The following USP46 variants were observed in gnomAD, a reference collection of about 807,000 sequenced individuals.
The protein encoded by USP46 is ubiquitin carboxyl-terminal hydrolase 46.
Under a neutral mutation model 44.4 loss-of-function variants are expected in USP46, and 12 were observed. The ratio of observed to expected loss-of-function variants is 0.27; its 90% CI spans 0.17 to 0.44. USP46 has a LOEUF of 0.44. USP46 is among the 20% of genes least tolerant of loss of function. The pLI, the probability that USP46 is intolerant of heterozygous loss-of-function variation, is 1.00. For missense variants in USP46, 248 were observed against 444.8 expected (o/e 0.56, Z 3.98); for synonymous variants, 155 against 161.5 (o/e 0.96, Z 0.31).
At chr4:52,633,296 C>T (rs1322948524) in intron 1 of USP46, among the ~76,000 whole-genome samples, 4 of 152,254 alleles carry the variant, frequency 2.6e-5, no homozygotes, top group East Asian at 1.9e-4. Flanking sequence ...TTGCACCAAA[C>T]GAATAACTCC....
rs959028429 is a variant in USP46, at chr4:52,657,040, CAAAAAAAA to C, written c.36+2067_36+2074del. 1.7e-4 allele frequency among the ~76,000 whole-genome samples: 5 copies of C among 29,258 alleles called. No homozygotes were observed. The South Asian group carries it at 4.5e-3, about 26-fold the overall frequency. The allele number at this position is 29,258 out of a possible 152,430, so 19.2% of individuals were successfully genotyped here. On this transcript the variant is annotated intron_variant, in intron 1 of 8. Coordinates refer to ENST00000441222, the MANE Select transcript of USP46 (RefSeq NM_022832.4). The stretch of plus-strand genomic sequence containing the variant: ...CCTGGGTGACAGTGTGAGACCTTGT[CAAAAAAAA>C]AAAAAAAAAAAAAAAGAACCAGGAC...
At chr4:52,653,495 CAAAAAAAAAA>C (rs397880678) in intron 1 of USP46, among the ~76,000 whole-genome samples, 4 of 53,022 alleles carry the variant, frequency 7.5e-5, no homozygotes, top group Non-Finnish European at 7.6e-5. Context: ...AACTCTATCT[CAAAAAAAAAA>C]AAAAAAAAAA....
At chr4:52,644,436 T>C (rs1473447357) in intron 1 of USP46, among the ~76,000 whole-genome samples, 1 of 152,120 alleles carries the variant, frequency 6.6e-6, no homozygotes, top group Non-Finnish European at 1.5e-5. Context: ...TACAGTTCTG[T>C]GACCTGTTAG....
chr4:52,641,330 T>C (rs1718333897), intron 1 of USP46, among the ~76,000 whole-genome samples: 1 of 152,226 alleles, frequency 6.6e-6, no homozygotes, highest in South Asian at 2.1e-4. Context: ...TTATTAAAAA[T>C]AGCATCTGAG....
At chr4:52,619,027 A>C (rs1717277187) in intron 4 of USP46, among the ~76,000 whole-genome samples, 1 of 152,232 alleles carries the variant, frequency 6.6e-6, no homozygotes, top group South Asian at 2.1e-4. Flanking sequence ...GGGAAAATTA[A>C]AATAAACAGT....
intron 7 of USP46, among the ~76,000 whole-genome samples, chr4:52,599,919 C>A (rs920011544): frequency 6.6e-6 from 1 of 152,116 alleles, no homozygotes. Flanking sequence ...TAAACTCTGC[C>A]AGAGATAATC....
chr4:52,612,922 C>T (rs1003418771), intron 4 of USP46, among the ~76,000 whole-genome samples: 5 of 152,196 alleles, frequency 3.3e-5, no homozygotes, highest in Non-Finnish European at 5.9e-5. Context: ...GTCTCCCCCT[C>T]GCTAAAATGA....
intron 7 of USP46, among the ~76,000 whole-genome samples, chr4:52,599,671 G>C (rs1184955494): frequency 2.0e-5 from 3 of 152,192 alleles, no homozygotes; most frequent in African/African-American, 4.8e-5. Context: ...GGTTAGATTT[G>C]CACAAGTGAG....
intron 4 of USP46, among the ~76,000 whole-genome samples, chr4:52,621,513 G>A (rs772403474): frequency 5.3e-5 from 8 of 152,066 alleles, no homozygotes; most frequent in Middle Eastern, 3.4e-3. Flanking sequence ...AAAATTAGCC[G>A]GGCGTGGTGG....
At chr4:52,617,591 G>T (rs1478925517) in intron 4 of USP46, among the ~76,000 whole-genome samples, 1 of 152,136 alleles carries the variant, frequency 6.6e-6, no homozygotes, top group African/African-American at 2.4e-5. Context: ...TGGCGCAAAA[G>T]CTTTCCGTTT....
chr4:52,630,972 TA>T, intron 2 of USP46, 91 bp downstream of exon 2: 1 of 1,035,594 alleles, frequency 9.7e-7, no homozygotes, highest in Non-Finnish European at 1.4e-6. Context: ...ACCAATCATT[TA>T]AAAATTGGTA....
chr4:52,635,472 T>C (rs900596244), intron 1 of USP46, among the ~76,000 whole-genome samples: 15 of 152,216 alleles, frequency 9.9e-5, no homozygotes, highest in Admixed American at 8.5e-4. Context: ...CTCCACTCCA[T>C]AGTGCTCATT....
chr4:52,650,206 C>T (rs942215783), intron 1 of USP46, among the ~76,000 whole-genome samples: 4 of 152,146 alleles, frequency 2.6e-5, no homozygotes, highest in Admixed American at 6.5e-5. Flanking sequence ...ACCAAACTGC[C>T]CCTAAATAAG....
chr4:52,659,161 G>A lies in USP46; in HGVS notation c.-11C>T, dbSNP rs1385124549. Reference sequence around the variant, plus strand: ...GTTTCGGACAGTCATTAGTCTAAAGGTTGCAGCGATCCCTCACCGCCATCT... The same window carrying A: ...GTTTCGGACAGTCATTAGTCTAAAGATTGCAGCGATCCCTCACCGCCATCT... On this transcript the variant is annotated 5_prime_UTR_variant, in exon 1 of 9. Coordinates refer to ENST00000441222, the MANE Select transcript of USP46 (RefSeq NM_022832.4). This position sits in a 1 kb window ranked among gnomAD's most constrained non-coding sequence, Gnocchi z 4.2. 1 of 1,555,854 alleles carries A rather than the reference G, an allele frequency of 6.4e-7. No individual in the cohort carries two copies. The highest frequency in any genetic ancestry group is 8.7e-7 in the Non-Finnish European group (1 of 1,151,660).
chr4:52,622,287 T>G (rs1010031967), intron 4 of USP46, among the ~76,000 whole-genome samples: 1 of 152,226 alleles, frequency 6.6e-6, no homozygotes, highest in Non-Finnish European at 1.5e-5. Context: ...AAAATGTATA[T>G]GTGGCCTATA....
chr4:52,658,991 C>T (rs1279069616), intron 1 of USP46, 124 bp downstream of exon 1: 10 of 1,255,838 alleles, frequency 8.0e-6, no homozygotes, highest in African/African-American at 6.4e-5. Context: ...GGGCCGGGAA[C>T]TTCTGGCGGC....
At chr4:52,649,864 C>T (rs979326541) in intron 1 of USP46, among the ~76,000 whole-genome samples, 10 of 152,204 alleles carry the variant, frequency 6.6e-5, no homozygotes, top group Non-Finnish European at 1.2e-4. Context: ...ACCTTGGATG[C>T]TCACATCGGA....
At chr4:52,627,709 T>C (rs950782858) in intron 3 of USP46, among the ~76,000 whole-genome samples, 1 of 152,222 alleles carries the variant, frequency 6.6e-6, no homozygotes, top group Non-Finnish European at 1.5e-5. Context: ...ATGGAGCAAA[T>C]AAAATGGTCA....
At chr4:52,610,170 C>T (rs950731842) in intron 5 of USP46, among the ~76,000 whole-genome samples, 4 of 151,394 alleles carry the variant, frequency 2.6e-5, no homozygotes, top group South Asian at 4.2e-4. Context: ...GTGATCCGCC[C>T]GTCTCGGCCT....
Sources: allele counts gnomAD v4.1 joint callset (sites outside exome capture counted in the v4.1 genomes callset), GRCh38; gene constraint gnomAD v4.1.1; non-coding constraint Gnocchi (gnomAD v3.1); transcripts MANE v1.5; gene names NCBI Gene and HGNC (gene_info 2026-07-23, HGNC 2026-07-21).